ARHGAP15: variants seen among roughly 807,000 people sequenced by gnomAD.
ARHGAP15 encodes the protein rho GTPase-activating protein 15.
A neutral mutation model predicts 63.7 loss-of-function variants in ARHGAP15; 51 were observed. The ratio of observed to expected loss-of-function variants is 0.80; its 90% confidence interval spans 0.64 to 1.01. The LOEUF (loss-of-function observed/expected upper bound fraction) is 1.01, where lower values mean the gene tolerates loss of function less well. Ranked by LOEUF, ARHGAP15 falls within the 50% of genes least tolerant of loss-of-function variation. The pLI, the probability that ARHGAP15 is intolerant of heterozygous loss-of-function variation, is 0.00. For missense variants in ARHGAP15, 560 were observed against 564.6 expected (o/e 0.99, Z 0.08); for synonymous variants, 191 against 193.8 (o/e 0.99, Z 0.12).
intron 8 of ARHGAP15, among the ~76,000 whole-genome samples, chr2:143,445,972 T>G (rs1423282257): frequency 1.3e-5 from 2 of 151,946 alleles, no homozygotes; most frequent in Non-Finnish European, 2.9e-5. Context: ...ACAAAAGTTA[T>G]CAAAGTGTTA....
intron 12 of ARHGAP15, among the ~76,000 whole-genome samples, chr2:143,628,189 G>C (rs111592818): frequency 1.3e-5 from 2 of 152,224 alleles, no homozygotes; most frequent in African/African-American, 4.8e-5. Flanking sequence ...GTAGTATTCT[G>C]TGTGTATGTA....
intron 11 of ARHGAP15, chr2:143,587,674 T>C (rs528156745): frequency 2.1e-6 from 1 of 466,670 alleles, no homozygotes; most frequent in Non-Finnish European, 4.4e-6. Context: ...CTTTGTCTTC[T>C]GTCTTTCACA....
chr2:143,448,025 A>G (rs774078469), intron 8 of ARHGAP15, among the ~76,000 whole-genome samples: 6 of 152,174 alleles, frequency 3.9e-5, no homozygotes, highest in South Asian at 2.1e-4. Flanking sequence ...GAACATACCT[A>G]TGAAGGAGAA....
intron 11 of ARHGAP15, among the ~76,000 whole-genome samples, chr2:143,574,950 A>G (rs1696617099): frequency 6.6e-6 from 1 of 152,176 alleles, no homozygotes; most frequent in Non-Finnish European, 1.5e-5. Context: ...ATGCCTCTAA[A>G]TCTCTAAACT....
intron 2 of ARHGAP15, among the ~76,000 whole-genome samples, chr2:143,166,185 C>T (rs77653235): frequency 0.02 from 2,995 of 152,156 alleles, 87 homozygotes; most frequent in African/African-American, 0.067. Context: ...CACAGCCCTA[C>T]ATTTAAGGGA....
intron 10 of ARHGAP15, among the ~76,000 whole-genome samples, chr2:143,523,356 T>C (rs1396413098): frequency 6.6e-6 from 1 of 152,152 alleles, no homozygotes; most frequent in Non-Finnish European, 1.5e-5. Flanking sequence ...TGTTTAAAAA[T>C]GATGTAATAA....
chr2:143,246,679 G>C (rs926738965), intron 5 of ARHGAP15, among the ~76,000 whole-genome samples: 4 of 151,982 alleles, frequency 2.6e-5, no homozygotes, highest in Admixed American at 6.6e-5. Context: ...GCAGGTGGAG[G>C]GGGTGGTTGA....
chr2:143,170,255 A>T (rs141244831), intron 2 of ARHGAP15, among the ~76,000 whole-genome samples: 6 of 152,270 alleles, frequency 3.9e-5, no homozygotes, highest in East Asian at 3.9e-4. Context: ...GCTGACTTCC[A>T]TCCTCAGCTA....
intron 6 of ARHGAP15, among the ~76,000 whole-genome samples, chr2:143,271,228 C>T (rs1161141903): frequency 6.6e-6 from 1 of 152,190 alleles, no homozygotes; most frequent in African/African-American, 2.4e-5. Flanking sequence ...GCCATATGTG[C>T]ATTCCATTTG....
At chr2:143,631,859 TG>T (rs1680047957) in intron 12 of ARHGAP15, among the ~76,000 whole-genome samples, 1 of 145,354 alleles carries the variant, frequency 6.9e-6, no homozygotes, top group East Asian at 2.0e-4. Flanking sequence ...TGCCTTCACG[TG>T]GACTAATACT....
chr2:143,320,337 G>A (rs1243683355), intron 6 of ARHGAP15, among the ~76,000 whole-genome samples: 6 of 147,838 alleles, frequency 4.1e-5, no homozygotes, highest in Admixed American at 2.1e-4. Flanking sequence ...CATAATGTCA[G>A]CCCTAAAATG....
At chr2:143,516,226 C>G (rs958949505) in intron 9 of ARHGAP15, among the ~76,000 whole-genome samples, 9 of 152,192 alleles carry the variant, frequency 5.9e-5, no homozygotes, top group African/African-American at 2.2e-4. Context: ...CAGAGCCTTT[C>G]CTAGCTCTAA....
chr2:143,720,929 C>T (rs892669562), intron 13 of ARHGAP15, among the ~76,000 whole-genome samples: 1 of 151,854 alleles, frequency 6.6e-6, no homozygotes, highest in Admixed American at 6.6e-5. Flanking sequence ...ATTAGCCAGG[C>T]GTGGTGGCGG....
At chr2:143,624,084 A>G in intron 11 of ARHGAP15, 49 bp from the exon 12 acceptor site, 1 of 1,601,816 alleles carries the variant, frequency 6.2e-7, no homozygotes, top group Non-Finnish European at 8.5e-7. Flanking sequence ...AGTGTCTTGT[A>G]ATTGTTTCAT....
intron 6 of ARHGAP15, chr2:143,350,841 A>C: frequency 7.7e-6 from 1 of 130,342 alleles, no homozygotes; most frequent in East Asian, 4.6e-4. Context: ...TCAGTCTCAA[A>C]AAAAAAAAAA....
At chr2:143,659,888 G>C (rs1466846584) in intron 12 of ARHGAP15, among the ~76,000 whole-genome samples, 1 of 143,160 alleles carries the variant, frequency 7.0e-6, no homozygotes. Context: ...TTTTATCTTG[G>C]AGTTTTTTTT....
intron 6 of ARHGAP15, among the ~76,000 whole-genome samples, chr2:143,308,377 C>CTCA (rs1683274706): frequency 6.6e-6 from 1 of 151,978 alleles, no homozygotes; most frequent in South Asian, 2.1e-4. Flanking sequence ...GTCGCACTAG[C>CTCA]TCACTGGATA....
chr2:143,728,074 A>G (rs1685362861), intron 13 of ARHGAP15, among the ~76,000 whole-genome samples: 1 of 152,180 alleles, frequency 6.6e-6, no homozygotes, highest in Non-Finnish European at 1.5e-5. Context: ...ACACAATACG[A>G]CACACCAGGC....
intron 6 of ARHGAP15, among the ~76,000 whole-genome samples, chr2:143,272,487 A>G (rs1467263264): frequency 1.3e-5 from 2 of 152,016 alleles, no homozygotes; most frequent in Non-Finnish European, 2.9e-5. Flanking sequence ...AAAGAAAAAA[A>G]CAAGAAAAAA....
Sources: gnomAD v4.1 joint callset for allele counts (sites outside exome capture counted in the v4.1 genomes callset) on GRCh38, gnomAD v4.1.1 for gene constraint, MANE v1.5 for transcripts, NCBI Gene and HGNC (gene_info 2026-07-23, HGNC 2026-07-21) for gene names.